Variants in BTG4 observed in about 807,000 individuals in gnomAD.
BTG4 encodes BTG anti-proliferation factor 4, also known as protein BTG4.
A neutral mutation model predicts 19.3 loss-of-function variants in BTG4; 10 were observed. The ratio of observed to expected loss-of-function variants is 0.52; its 90% CI spans 0.32 to 0.88. The LOEUF (loss-of-function observed/expected upper bound fraction) is 0.88. Ranked by LOEUF, BTG4 falls within the 40% of genes least tolerant of loss-of-function variation. The probability of loss-of-function intolerance (pLI) is 0.04; values close to 1 mark genes in which losing one functional copy is unlikely to be tolerated. For synonymous variants in BTG4, 91 were observed against 95.7 expected (o/e 0.95, Z 0.29); for missense variants, 238 against 281.9 (o/e 0.84, Z 1.11).
chr11:111,446,624 A>AACACACACACACACACACACACACAC, the BTG4 span, among the ~76,000 whole-genome samples: 1 of 146,844 alleles, frequency 6.8e-6, no homozygotes, highest in African/African-American at 2.5e-5. Flanking sequence ...GACACCAATA[A>AACACACACACACACACACACACACAC]ACACACACAC....
At chr11:111,451,695 T>A in the BTG4 span, among the ~76,000 whole-genome samples, 3 of 151,232 alleles carry the variant, frequency 2.0e-5, no homozygotes, top group East Asian at 5.8e-4. Flanking sequence ...ACCCGGGAGG[T>A]GGAGATTGCA....
chr11:111,411,347 A>G, the BTG4 span, among the ~76,000 whole-genome samples: 1 of 151,966 alleles, frequency 6.6e-6, no homozygotes, highest in Non-Finnish European at 1.5e-5. Context: ...CAGGCCAACC[A>G]TGGTCCTGCT....
chr11:111,420,523 G>T, the BTG4 span, among the ~76,000 whole-genome samples: 112 of 152,322 alleles, frequency 7.4e-4, no homozygotes, highest in African/African-American at 2.6e-3. Flanking sequence ...GATAAAACAG[G>T]GGGAGATGAG....
intron 1 of BTG4, among the ~76,000 whole-genome samples, chr11:111,499,960 G>A (rs1297652787): frequency 6.6e-6 from 1 of 151,970 alleles, no homozygotes; most frequent in Non-Finnish European, 1.5e-5. Context: ...TGGCCAACAT[G>A]GTGAAACCCC....
chr11:111,390,204 C>A, the BTG4 span, among the ~76,000 whole-genome samples: 1 of 152,230 alleles, frequency 6.6e-6, no homozygotes, highest in Non-Finnish European at 1.5e-5. Flanking sequence ...TCCCAAACAG[C>A]TGATCATTCA....
the BTG4 span, among the ~76,000 whole-genome samples, chr11:111,446,885 G>C: frequency 6.6e-6 from 1 of 152,200 alleles, no homozygotes; most frequent in Non-Finnish European, 1.5e-5. Context: ...GCCACCTATG[G>C]CTACTGAGCA....
chr11:111,489,507 C>T (rs193129962), intron 5 of BTG4, among the ~76,000 whole-genome samples: 1 of 152,214 alleles, frequency 6.6e-6, no homozygotes, highest in East Asian at 1.9e-4. Context: ...ACCCTATTGA[C>T]AACAGCTAAC....
chr11:111,387,480 C>T, the BTG4 span, among the ~76,000 whole-genome samples: 1 of 152,222 alleles, frequency 6.6e-6, no homozygotes, highest in Admixed American at 6.5e-5. Flanking sequence ...GGCGCCTGGA[C>T]GAGTGCCAGT....
At chr11:111,441,301 G>A in the BTG4 span, among the ~76,000 whole-genome samples, 1 of 151,776 alleles carries the variant, frequency 6.6e-6, no homozygotes, top group Admixed American at 6.6e-5. Flanking sequence ...GAGAGAACAG[G>A]GTCTGCTCAT....
the BTG4 span, among the ~76,000 whole-genome samples, chr11:111,409,541 G>C: frequency 6.6e-6 from 1 of 152,140 alleles, no homozygotes; most frequent in African/African-American, 2.4e-5. Context: ...TGCCTGTCTT[G>C]ATGCAGCACT....
the BTG4 span, among the ~76,000 whole-genome samples, chr11:111,409,714 G>T: frequency 6.6e-6 from 1 of 152,112 alleles, no homozygotes; most frequent in Non-Finnish European, 1.5e-5. Flanking sequence ...TAAGTCATGC[G>T]CACAGGACTC....
chr11:111,431,398 G>A, the BTG4 span, among the ~76,000 whole-genome samples: 2 of 152,142 alleles, frequency 1.3e-5, no homozygotes, highest in Non-Finnish European at 2.9e-5. Context: ...CCGCTTCATA[G>A]ATCAGGGAAT....
At chr11:111,421,021 T>G in the BTG4 span, among the ~76,000 whole-genome samples, 1 of 152,048 alleles carries the variant, frequency 6.6e-6, no homozygotes, top group African/African-American at 2.4e-5. Context: ...AAGGATGGGA[T>G]AGGGATGGGA....
the BTG4 span, among the ~76,000 whole-genome samples, chr11:111,413,463 C>A: frequency 6.6e-6 from 1 of 152,224 alleles, no homozygotes; most frequent in East Asian, 1.9e-4. Context: ...ACACCCAGTG[C>A]TGTGATAGGT....
At chr11:111,455,185 A>G in the BTG4 span, 2 of 406,752 alleles carry the variant, frequency 4.9e-6, no homozygotes, top group Non-Finnish European at 1.0e-5. Context: ...CACCTCCCCA[A>G]CCTGTTCCAT....
At chr11:111,473,741 T>C (rs1437523864) in intron 5 of BTG4, among the ~76,000 whole-genome samples, 1 of 152,114 alleles carries the variant, frequency 6.6e-6, no homozygotes, top group African/African-American at 2.4e-5. Flanking sequence ...GCATAGTTTA[T>C]CCCTTTCCCT....
At chr11:111,496,135 C>T (rs962060815) in intron 4 of BTG4, among the ~76,000 whole-genome samples, 1 of 152,174 alleles carries the variant, frequency 6.6e-6, no homozygotes, top group African/African-American at 2.4e-5. Flanking sequence ...GGTGCTAAAA[C>T]ATTTGGGCAC....
the BTG4 span, among the ~76,000 whole-genome samples, chr11:111,394,821 A>G: frequency 1.3e-5 from 2 of 152,208 alleles, no homozygotes; most frequent in African/African-American, 2.4e-5. Context: ...AACGACTGCC[A>G]CTTACCAAGA....
At chr11:111,407,633 C>G in the BTG4 span, among the ~76,000 whole-genome samples, 12 of 152,162 alleles carry the variant, frequency 7.9e-5, no homozygotes, top group Non-Finnish European at 1.6e-4. Context: ...ATCGCACCAT[C>G]GCACTCCAGC....
Sources: allele counts gnomAD v4.1 joint callset (sites outside exome capture counted in the v4.1 genomes callset), GRCh38; gene constraint gnomAD v4.1.1; transcripts MANE v1.5; gene names NCBI Gene and HGNC (gene_info 2026-07-23, HGNC 2026-07-21).